Variants in TAS1R3 observed in about 807,000 individuals in gnomAD.
TAS1R3 encodes taste receptor type 1 member 3.
TAS1R3 carries 58 observed loss-of-function variants against 46.1 expected under a neutral mutation model. The ratio of observed to expected loss-of-function variants is 1.26; its 90% CI spans 1.02 to 1.57. The LOEUF (loss-of-function observed/expected upper bound fraction) is 1.57, where lower values mean the gene tolerates loss of function less well. Ranked by LOEUF, TAS1R3 falls within the 40% of genes most tolerant of loss-of-function variation. The pLI, the probability that TAS1R3 is intolerant of heterozygous loss-of-function variation, is 0.00. For missense variants in TAS1R3, 1,422 were observed against 1,185.8 expected, an observed-to-expected ratio of 1.20 and a Z score of -2.93; for synonymous variants, 724 against 544.7, an observed-to-expected ratio of 1.33 and a Z score of -4.58.
rs766160710 is a variant in TAS1R3, at chr1:1,334,338, G to A, written c.2433G>A (p.Leu811=). ...TGGGCATCCTGGCTGCCTTCCACCT[G>A]CCCAGGTGTTACCTGCTCATGCGGC... The part of the protein sequence containing the change: ...CVLGILAAFH[L]PRCYLLMRQP... Residue 811 remains leucine, a synonymous_variant, in exon 6 of 6, where the codon CTG becomes CTA. Transcript: ENST00000339381. The A allele has an allele frequency of 3.7e-6, 6 of 1,611,830 alleles. No individual in the cohort carries two copies. The highest frequency in any genetic ancestry group is 4.2e-6 in the Non-Finnish European group (5 of 1,179,508).
chr1:1,334,189 C>A lies in TAS1R3; in HGVS notation c.2284C>A (p.Arg762Ser), dbSNP rs750240840. The A allele has an allele frequency of 1.9e-6, 3 of 1,600,916 alleles. No homozygotes were observed. In the African/African-American group the frequency reaches 4.0e-5, roughly 21 times the overall value. The change falls in exon 6 of 6, where the codon CGT becomes AGT. Residue 762 changes from arginine to serine, a missense_variant. Coordinates refer to ENST00000339381, the MANE Select transcript of TAS1R3 (RefSeq NM_152228.3). ...RSQPGCYNRA[R>S]GLTFAMLAYF... ...CCAGCCGGGCTGCTACAACCGTGCC[C>A]GTGGCCTCACCTTTGCCATGCTGGC...
chr1:1,332,249 G>T lies in TAS1R3; in HGVS notation c.718G>T (p.Glu240Ter), dbSNP rs775545181. The T allele has an allele frequency of 2.9e-5, 47 of 1,596,468 alleles. No homozygotes were observed. The highest frequency in any genetic ancestry group is 3.8e-5 in the Non-Finnish European group (45 of 1,176,522). Residue 240 changes from glutamate to a stop codon, truncating the protein, a stop_gained, in exon 3 of 6, where the codon GAG becomes TAG. Transcript: ENST00000339381. LOFTEE classifies it high-confidence loss of function. ...GGCACGCGGCATCTGCATCGCGCAC[G>T]AGGGCCTGGTGCCGCTGCCCCGTGC... is the stretch of plus-strand genomic sequence containing the variant. ...AAARGICIAH[E>*]GLVPLPRADD...
chr1:1,333,883 G>C lies in TAS1R3; in HGVS notation c.1978G>C (p.Val660Leu). 1 of 1,600,486 alleles carries C rather than the reference G, an allele frequency of 6.2e-7. No individual in the cohort carries two copies. Among genetic ancestry groups the C allele is most frequent in the Non-Finnish European group, 8.5e-7 (1 of 1,179,834 alleles). Residue 660 changes from valine (V) to leucine (L), a missense_variant, in exon 6 of 6, where the codon GTG becomes CTG. Physicochemically the swap from Val to Leu is conservative, Grantham distance 32. Coordinates refer to ENST00000339381, the MANE Select transcript of TAS1R3 (RefSeq NM_152228.3). ...TLFLQAAEIF[V>L]ESELPLSWAD... is the part of the protein sequence containing the mutation. ...CTTCCTGCAGGCGGCCGAGATCTTC[G>C]TGGAGTCAGAACTGCCTCTGAGCTG...
Position 1,333,588 on chromosome 1 carries a change from C to T in TAS1R3, c.1683C>T (p.Phe561=). The change falls in exon 6 of 6, where the codon TTC becomes TTT. Residue 561 remains phenylalanine (F), a synonymous_variant. Transcript: ENST00000339381. ...STRCFRRRSR[F]LAWGEPAVLL... is the part of the protein sequence containing the mutation. ...GCTGCTTCCGCCGCAGGTCTCGGTT[C>T]CTGGCATGGGGCGAGCCGGCTGTGC... The T allele has an allele frequency of 6.2e-7, 1 of 1,608,396 alleles. No individual in the cohort carries two copies. The highest frequency in any genetic ancestry group is 8.5e-7 in the Non-Finnish European group (1 of 1,179,934).
rs201615095 is a variant in TAS1R3, at chr1:1,332,671, C to A, written c.1140C>A (p.Asn380Lys). The change falls in exon 3 of 6, where the codon AAC becomes AAA. Residue 380 changes from asparagine to lysine, a missense_variant. Asn to Lys is a moderately conservative substitution (Grantham distance 94). Transcript: ENST00000339381. ...CPQCDCITLQ[N>K]VSAGLNHHQT... is the part of the protein sequence containing the mutation. ...AGTGTGACTGCATCACGCTGCAGAA[C>A]GTGAGCGCAGGGCTAAATCACCACC... The A allele has an allele frequency of 1.9e-6, 3 of 1,605,912 alleles. No individual in the cohort carries two copies. The highest frequency in any genetic ancestry group is 2.5e-6 in the Non-Finnish European group (3 of 1,179,550).
In TAS1R3 at chr1:1,332,777, C is replaced by T. The variant is rs767327938; in HGVS notation, c.1246C>T (p.Pro416Ser). The stretch of plus-strand genomic sequence containing the variant: ...TCTTCAGTGCAACGCCTCAGGCTGC[C>T]CCGCGCAGGACCCCGTGAAGCCCTG... ...NTLQCNASGC[P>S]AQDPVKPWQL... The change falls in exon 3 of 6, where the codon CCC becomes TCC. Residue 416 changes from proline to serine, a missense_variant. Physicochemically the swap from Pro to Ser is moderately conservative, Grantham distance 74 (BLOSUM62 -1). Transcript: ENST00000339381. 1.2e-6 allele frequency: 2 copies of T among 1,606,184 alleles called. No homozygotes were observed. Among genetic ancestry groups the T allele is most frequent in the South Asian group, 2.2e-5 (2 of 91,048 alleles).
rs1643439077 is a variant in TAS1R3 at position 1,332,004 on chromosome 1, A to C, written c.493-20A>C. 6.9e-7 allele frequency: 1 copy of C among 1,444,116 alleles called. No homozygotes were observed. Among genetic ancestry groups the C allele is most frequent in the South Asian group, 1.1e-5 (1 of 88,796 alleles). 89.5% of individuals were successfully genotyped at this position (1,444,116 alleles called of 1,614,324 possible). ...CCCGTGGGAGCCCCTGTGTCAGGAG[A>C]TGCCTCTTGGCCCTTGCAGGTCAGC... On this transcript the variant is annotated intron_variant, in intron 2 of 5. Coordinates refer to ENST00000339381, the MANE Select transcript of TAS1R3 (RefSeq NM_152228.3).
chr1:1,333,402 G>A (rs760370505), intron 5 of TAS1R3, 23 bp downstream of exon 5: 44 of 1,611,084 alleles, frequency 2.7e-5, no homozygotes, highest in African/African-American at 1.1e-4. Flanking sequence ...CCCGGCAGGC[G>A]GGGGTGGGAA....
rs778663983 is a variant in TAS1R3, at chr1:1,331,713, G to A, written c.267G>A (p.Leu89=). The A allele has an allele frequency of 3.1e-6, 5 of 1,612,818 alleles. No homozygotes were observed. The Admixed American group carries it at 8.3e-5, about 27-fold the overall frequency. ...AGGAGATCAACAACAAGTCGGATCT[G>A]CTGCCCGGGCTGCGCCTGGGCTACG... ...AVEEINNKSD[L]LPGLRLGYDL... is the part of the protein sequence containing the mutation. Residue 89 remains leucine (L), a synonymous_variant, in exon 2 of 6, where the codon CTG becomes CTA. Transcript: ENST00000339381.
In TAS1R3 at chr1:1,333,592, G is replaced by A. The variant is rs1220809734; in HGVS notation, c.1687G>A (p.Ala563Thr). 7 of 1,608,620 alleles carry A rather than the reference G, an allele frequency of 4.4e-6. No individual in the cohort carries two copies. Among genetic ancestry groups the A allele is most frequent in the Admixed American group, 3.3e-5 (2 of 60,002 alleles). ...RCFRRRSRFL[A>T]WGEPAVLLLL... is the part of the protein sequence containing the mutation. Reference sequence around the variant, plus strand: ...CTTCCGCCGCAGGTCTCGGTTCCTGGCATGGGGCGAGCCGGCTGTGCTGCT... The same window carrying A: ...CTTCCGCCGCAGGTCTCGGTTCCTGACATGGGGCGAGCCGGCTGTGCTGCT... Residue 563 changes from alanine to threonine, a missense_variant, in exon 6 of 6, where the codon GCA (alanine) becomes ACA (threonine). Coordinates refer to ENST00000339381, the MANE Select transcript of TAS1R3 (RefSeq NM_152228.3).
intron 5 of TAS1R3, 63 bp from the exon 6 acceptor site, chr1:1,333,443 A>C: frequency 1.2e-6 from 2 of 1,606,404 alleles, no homozygotes; most frequent in Non-Finnish European, 1.7e-6. Flanking sequence ...CCAAGTCCTG[A>C]CTCTGAGACC....
rs760113403 is a variant in TAS1R3 at position 1,331,992 on chromosome 1, CTG to C, written c.493-28_493-27del. ...CACCCAGCCCTGCCCGTGGGAGCCC[CTG>C]TGTCAGGAGATGCCTCTTGGCCCTT... On this transcript the variant is annotated intron_variant, in intron 2 of 5. Coordinates refer to ENST00000339381, the MANE Select transcript of TAS1R3 (RefSeq NM_152228.3). 5.0e-6 allele frequency: 8 copies of C among 1,610,202 alleles called. No homozygotes were observed. In the South Asian group the frequency reaches 7.7e-5, roughly 15 times the overall value.
chr1:1,331,551 C>G lies in TAS1R3; in HGVS notation c.191+15C>G, dbSNP rs141948726. The G allele has an allele frequency of 1.3e-5, 21 of 1,595,538 alleles. No individual in the cohort carries two copies. The African/African-American group carries it at 2.7e-4, about 20-fold the overall frequency. ...GTGTGCACCAGGTACAGAGGTGGGA[C>G]GGCCTGGGTCGGGGTCAGGGTGACC... is the stretch of plus-strand genomic sequence containing the variant. On this transcript the variant is annotated intron_variant, in intron 1 of 5. Coordinates refer to ENST00000339381, the MANE Select transcript of TAS1R3 (RefSeq NM_152228.3).
rs764759015 is a variant in TAS1R3, at chr1:1,333,129, G to A, written c.1479+5G>A. On this transcript the variant is annotated splice_donor_5th_base_variant and intron_variant, in intron 4 of 5. Transcript: ENST00000339381. ...TGGCACACGTCTGACAACCAGGTGA[G>A]GTGAGGGTGGGTGTGCCAGGCGTGC... The A allele has an allele frequency of 1.3e-5, 21 of 1,609,072 alleles. No individual in the cohort carries two copies. Among genetic ancestry groups the A allele is most frequent in the Admixed American group, 1.7e-5 (1 of 59,790 alleles).
Position 1,331,888 on chromosome 1 carries a change from G to A in TAS1R3, c.442G>A (p.Glu148Lys), listed in dbSNP as rs755282985. 8 of 1,612,690 alleles carry A rather than the reference G, an allele frequency of 5.0e-6. No individual in the cohort carries two copies. The highest frequency in any genetic ancestry group is 2.2e-5 in the East Asian group (1 of 44,894). The change falls in exon 2 of 6, where the codon GAG becomes AAG. Residue 148 changes from glutamate to lysine, a missense_variant. Transcript: ENST00000339381. ...GGCTGTCATCGGGCCCCACTCGTCA[G>A]AGCTCGCCATGGTCACCGGCAAGTT... Reference protein sequence around the residue: ...VLAVIGPHSSELAMVTGKFFS... With the variant: ...VLAVIGPHSSKLAMVTGKFFS...
Position 1,332,736 on chromosome 1 carries a change from A to G in TAS1R3, c.1205A>G (p.Gln402Arg), listed in dbSNP as rs747829557. ...TACGCAGCTGTGTATAGCGTGGCCC[A>G]GGCCCTGCACAACACTCTTCAGTGC... ...SVYAAVYSVA[Q>R]ALHNTLQCNA... is the part of the protein sequence containing the mutation. Residue 402 changes from glutamine to arginine, a missense_variant, in exon 3 of 6, where the codon CAG (glutamine) becomes CGG (arginine). Coordinates refer to ENST00000339381, the MANE Select transcript of TAS1R3 (RefSeq NM_152228.3). 3.1e-6 allele frequency: 5 copies of G among 1,604,808 alleles called. No individual in the cohort carries two copies. Among genetic ancestry groups the G allele is most frequent in the South Asian group, 1.1e-5 (1 of 91,060 alleles).
chr1:1,332,978 G>T lies in TAS1R3; in HGVS notation c.1333G>T (p.Asp445Tyr). The T allele has an allele frequency of 1.2e-6, 2 of 1,612,414 alleles. No individual in the cohort carries two copies. The highest frequency in any genetic ancestry group is 1.7e-6 in the Non-Finnish European group (2 of 1,179,644). The change falls in exon 4 of 6, where the codon GAC becomes TAC. Residue 445 changes from aspartate to tyrosine, a missense_variant. Coordinates refer to ENST00000339381, the MANE Select transcript of TAS1R3 (RefSeq NM_152228.3). ...FHVGGLPLRF[D>Y]SSGNVDMEYD... The stretch of plus-strand genomic sequence containing the variant: ...CGTGGGCGGGCTGCCGCTGCGGTTC[G>T]ACAGCAGCGGAAACGTGGACATGGA...
rs1345510014 is a variant in TAS1R3 at position 1,333,625 on chromosome 1, C to T, written c.1720C>T (p.Leu574=). The part of the protein sequence containing the change: ...WGEPAVLLLL[L]LLSLALGLVL... ...CGAGCCGGCTGTGCTGCTGCTGCTCCTGCTGCTGAGCCTGGCGCTGGGCCT... is the reference window on the plus strand; with the variant it reads ...CGAGCCGGCTGTGCTGCTGCTGCTCTTGCTGCTGAGCCTGGCGCTGGGCCT... The change falls in exon 6 of 6, where the codon CTG becomes TTG. Residue 574 remains leucine (L), a synonymous_variant. Coordinates refer to ENST00000339381, the MANE Select transcript of TAS1R3 (RefSeq NM_152228.3). The T allele has an allele frequency of 2.5e-6, 4 of 1,611,204 alleles. No homozygotes were observed. Among genetic ancestry groups the T allele is most frequent in the South Asian group, 1.1e-5 (1 of 91,086 alleles).
chr1:1,333,329 G>T lies in TAS1R3; in HGVS notation c.1550G>T (p.Cys517Phe). The T allele has an allele frequency of 2.5e-6, 4 of 1,606,976 alleles. No individual in the cohort carries two copies. Among genetic ancestry groups the T allele is most frequent in the Non-Finnish European group, 3.4e-6 (4 of 1,177,470 alleles). ...CGCCGGGTCAAGGGGTTCCACTCCT[G>T]CTGCTACGACTGTGTGGACTGCGAG... ...QVRRVKGFHS[C>F]CYDCVDCEAG... Residue 517 changes from cysteine (C) to phenylalanine (F), a missense_variant, in exon 5 of 6, where the codon TGC (cysteine) becomes TTC (phenylalanine). Cys to Phe is a radical substitution (Grantham distance 205). Transcript: ENST00000339381.
Sources: gnomAD v4.1 joint callset for allele counts on GRCh38, gnomAD v4.1.1 for gene constraint, MANE v1.5 for transcripts, NCBI Gene and HGNC (gene_info 2026-07-23, HGNC 2026-07-21) for gene names.